Variants in PIK3C3 observed in about 807,000 individuals in gnomAD.
The protein encoded by PIK3C3 is phosphatidylinositol 3-kinase catalytic subunit type 3.
Under a neutral mutation model 126.1 loss-of-function variants are expected in PIK3C3, and 95 were observed. That is an observed-to-expected ratio of 0.75 (90% CI 0.64 to 0.89). PIK3C3 has a LOEUF of 0.89. PIK3C3 is among the 40% of genes least tolerant of loss of function. The pLI, the probability that PIK3C3 is intolerant of heterozygous loss-of-function variation, is 0.00. For missense variants in PIK3C3, 829 were observed against 1,063.2 expected (o/e 0.78, Z 3.06); for synonymous variants, 374 against 360.0 (o/e 1.04, Z -0.44).
intron 4 of PIK3C3, among the ~76,000 whole-genome samples, chr18:41,974,078 G>A (rs1980797734): frequency 6.6e-6 from 1 of 152,140 alleles, no homozygotes; most frequent in Admixed American, 6.5e-5. Flanking sequence ...TCAAACTGCA[G>A]TATGAGAGAG....
rs1023614059 is a variant in PIK3C3 at position 42,067,165 on chromosome 18, G to C, written c.2524-223G>C. The stretch of plus-strand genomic sequence containing the variant: ...CTTCTTTTCTTTTTTCTTAAAAACT[G>C]TTTACAACCAACAAGAACAAGGTGA... On this transcript the variant is annotated intron_variant, in intron 23 of 24. Transcript: ENST00000262039. 3.9e-5 allele frequency among the ~76,000 whole-genome samples: 6 copies of C among 152,116 alleles called. 1 individual carries two copies. The highest frequency in any genetic ancestry group is 3.9e-4 in the Admixed American group (6 of 15,274).
chr18:42,071,612 C>T (rs574656180), intron 24 of PIK3C3, among the ~76,000 whole-genome samples: 9 of 151,088 alleles, frequency 6.0e-5, no homozygotes, highest in South Asian at 2.1e-4. Context: ...CCCAGCTAGT[C>T]GGGAGGCTGA....
In PIK3C3 at chr18:42,079,761, T is replaced by A. The variant is rs74967704; in HGVS notation, c.2650-1362T>A. On this transcript the variant is annotated intron_variant, in intron 24 of 24. Transcript: ENST00000262039. ...CAAATTACTTCCAAGTTATTTAGAC[T>A]CCCTCGTATGTTAGTGTAGACCCTT... Among the ~76,000 whole-genome samples the A allele has an allele frequency of 3.2e-3, 493 of 152,272 alleles. 4 individuals are homozygous for A. Among genetic ancestry groups the A allele is most frequent in the African/African-American group, 9.8e-3 (408 of 41,562 alleles).
intron 2 of PIK3C3, 71 bp downstream of exon 2, chr18:41,957,829 A>C: frequency 8.5e-7 from 1 of 1,170,764 alleles, no homozygotes; most frequent in Non-Finnish European, 1.2e-6. Flanking sequence ...TGCAAGTATA[A>C]TTTAGTAGGA....
chr18:41,963,673 A>G (rs1980210452), intron 3 of PIK3C3, among the ~76,000 whole-genome samples: 1 of 152,188 alleles, frequency 6.6e-6, no homozygotes, highest in Non-Finnish European at 1.5e-5. Flanking sequence ...AAGTTAAAAA[A>G]TGTTATTTAA....
chr18:42,078,383 CAAAAAA>C lies in PIK3C3; in HGVS notation c.2650-2719_2650-2714del, dbSNP rs60269462. Among the ~76,000 whole-genome samples the C allele has an allele frequency of 1.3e-3, 94 of 72,822 alleles. 1 individual carries two copies. Among genetic ancestry groups the C allele is most frequent in the African/African-American group, 3.7e-3 (72 of 19,320 alleles). The allele number at this position is 72,822 out of a possible 152,430, so 47.8% of individuals were successfully genotyped here. On this transcript the variant is annotated intron_variant, in intron 24 of 24. Transcript: ENST00000262039. The stretch of plus-strand genomic sequence containing the variant: ...TGGGCAACAGAGCGAGACTCTGTCT[CAAAAAA>C]AAAAAAAAAAAAAAAAAAAATTTTC...
At chr18:42,045,451 G>A (rs141251117) in intron 20 of PIK3C3, among the ~76,000 whole-genome samples, 1 of 152,266 alleles carries the variant, frequency 6.6e-6, no homozygotes, top group East Asian at 1.9e-4. Context: ...GAACATCCAA[G>A]ATGGATCACT....
chr18:41,997,900 A>T (rs971306124), intron 9 of PIK3C3, among the ~76,000 whole-genome samples: 2 of 152,186 alleles, frequency 1.3e-5, no homozygotes, highest in African/African-American at 4.8e-5. Context: ...GCCTTAGCAG[A>T]CACCCTGAAA....
chr18:42,018,842 TC>T (rs1203718436), intron 12 of PIK3C3, among the ~76,000 whole-genome samples: 1 of 152,144 alleles, frequency 6.6e-6, no homozygotes, highest in Non-Finnish European at 1.5e-5. Flanking sequence ...TTACCTACTT[TC>T]GCTATGCCTG....
At chr18:41,958,784 TTAA>T (rs1460172904) in intron 2 of PIK3C3, among the ~76,000 whole-genome samples, 4 of 152,048 alleles carry the variant, frequency 2.6e-5, no homozygotes, top group Non-Finnish European at 5.9e-5. Flanking sequence ...ATATATATAC[TTAA>T]TACTTTTTAT....
chr18:41,967,147 G>A (rs1375626701), intron 3 of PIK3C3, among the ~76,000 whole-genome samples: 2 of 152,030 alleles, frequency 1.3e-5, no homozygotes, highest in East Asian at 1.9e-4. Context: ...AGGTCTTCTT[G>A]TGCAGCTTTG....
intron 22 of PIK3C3, among the ~76,000 whole-genome samples, chr18:42,062,136 TACCTTCTGGTAG>T (rs768337389): frequency 2.6e-5 from 4 of 152,338 alleles, no homozygotes; most frequent in Admixed American, 1.3e-4. Context: ...CTCCTTATGT[TACCTTCTGGTAG>T]ATTTCCCCAT....
intron 1 of PIK3C3, among the ~76,000 whole-genome samples, chr18:41,956,458 G>A (rs575553001): frequency 6.6e-6 from 1 of 151,310 alleles, no homozygotes; most frequent in East Asian, 1.9e-4. Context: ...CTTTCCTTCA[G>A]CTTGATGCTC....
chr18:41,999,203 A>G (rs550270278), intron 9 of PIK3C3, among the ~76,000 whole-genome samples: 29 of 152,138 alleles, frequency 1.9e-4, no homozygotes, highest in African/African-American at 4.8e-4. Context: ...AGTATTTTCA[A>G]ATTCACAGTT....
intron 2 of PIK3C3, among the ~76,000 whole-genome samples, chr18:41,959,857 C>T (rs905130800): frequency 1.5e-4 from 23 of 152,208 alleles, no homozygotes; most frequent in African/African-American, 5.5e-4. Flanking sequence ...ACATCCTGCT[C>T]TTTAGTATTC....
At chr18:42,029,785 C>T (rs943512769) in intron 15 of PIK3C3, among the ~76,000 whole-genome samples, 1 of 151,876 alleles carries the variant, frequency 6.6e-6, no homozygotes, top group Non-Finnish European at 1.5e-5. Context: ...GTAGGTGATC[C>T]ACCCGCCTCA....
In PIK3C3 at chr18:42,081,871, T is replaced by G. The variant is rs1287335742; in HGVS notation, c.*734T>G. ...TGACCACCAGTTTTAGTATTGAGCA[T>G]AAGATATTTTTACATATTCATGTAA... On this transcript the variant is annotated 3_prime_UTR_variant, in exon 25 of 25. Coordinates refer to ENST00000262039, the MANE Select transcript of PIK3C3 (RefSeq NM_002647.4). 6.6e-6 allele frequency: 1 copy of G among 152,226 alleles called. No individual in the cohort carries two copies. The allele number at this position is 152,226 out of a possible 1,614,324, so 9.4% of individuals were successfully genotyped here.
At chr18:41,962,774 C>T in intron 3 of PIK3C3, 142 bp downstream of exon 3, 1 of 594,394 alleles carries the variant, frequency 1.7e-6, no homozygotes, top group Non-Finnish European at 2.7e-6. Context: ...TCATTCCTTA[C>T]ACTGATTTTA....
chr18:42,069,578 A>G (rs1346912941), intron 24 of PIK3C3, among the ~76,000 whole-genome samples: 2 of 152,124 alleles, frequency 1.3e-5, no homozygotes, highest in Non-Finnish European at 2.9e-5. Flanking sequence ...TTTAAGCTCA[A>G]CTAGTTAAAA....
Sources: gnomAD v4.1 joint callset for allele counts (sites outside exome capture counted in the v4.1 genomes callset) on GRCh38, gnomAD v4.1.1 for gene constraint, MANE v1.5 for transcripts, NCBI Gene and HGNC (gene_info 2026-07-23, HGNC 2026-07-21) for gene names.